The following WIPF1 variants were observed in gnomAD, a reference collection of about 807,000 sequenced individuals.
WIPF1 encodes the protein WAS/WASL-interacting protein family member 1.
In WIPF1, 13 loss-of-function variants were observed where a neutral mutation model predicts 35.4. The observed-to-expected ratio is 0.37, with a 90% CI of 0.24 to 0.58. The LOEUF (loss-of-function observed/expected upper bound fraction) is 0.58. Ranked by LOEUF, WIPF1 falls within the 20% of genes least tolerant of loss-of-function variation. WIPF1 has a pLI of 0.74. For missense variants in WIPF1, 591 were observed against 667.0 expected (o/e 0.89, Z 1.25); for synonymous variants, 267 against 266.3 (o/e 1.00, Z -0.02).
chr2:174,609,531 T>C lies in WIPF1; in HGVS notation c.-38-23920A>G, dbSNP rs374090657. Among the ~76,000 whole-genome samples, 33 of 152,310 alleles carry C rather than the reference T, an allele frequency of 2.2e-4. No homozygotes were observed. In the South Asian group the frequency reaches 6.9e-3, roughly 32 times the overall value. On this transcript the variant is annotated intron_variant, in intron 1 of 8. Coordinates refer to the WIPF1 transcript ENST00000272746. ...ACGCATACACGCAAACACCTGACCA[T>C]GTACTTTTGTTTTCTGATGAGTTGT...
At chr2:174,666,351 G>A (rs1219572426) in intron 1 of WIPF1, among the ~76,000 whole-genome samples, 1 of 152,180 alleles carries the variant, frequency 6.6e-6, no homozygotes, top group East Asian at 1.9e-4. Context: ...TCTATACAAT[G>A]TAAGGTTCCT....
intron 1 of WIPF1, among the ~76,000 whole-genome samples, chr2:174,588,265 C>T (rs1023852468): frequency 2.0e-5 from 3 of 152,200 alleles, no homozygotes; most frequent in Non-Finnish European, 2.9e-5. Flanking sequence ...AGTGCATCCA[C>T]GTGCTTGGTT....
At position 174,623,159 on chromosome 2, in the gene WIPF1, T is replaced by C. The variant is rs143812525; in HGVS notation, c.-38-37548A>G. Among the ~76,000 whole-genome samples the C allele has an allele frequency of 5.9e-5, 9 of 152,324 alleles. No homozygotes were observed. The East Asian group carries it at 1.7e-3, about 29-fold the overall frequency. On this transcript the variant is annotated intron_variant, in intron 1 of 8. Coordinates refer to the WIPF1 transcript ENST00000272746. ...AATACATATAAACAATATTAAAAGA[T>C]ATCTGAAATTGTAGTGTGTATTAGT...
intron 1 of WIPF1, among the ~76,000 whole-genome samples, chr2:174,635,982 G>C (rs1462512923): frequency 6.6e-6 from 1 of 152,098 alleles, no homozygotes; most frequent in African/African-American, 2.4e-5. Context: ...ACAGTTGATG[G>C]CTGGTTTTCT....
At chr2:174,655,423 C>A (rs1687620068) in intron 1 of WIPF1, 1 of 152,232 alleles carries the variant, frequency 6.6e-6, no homozygotes, top group Non-Finnish European at 1.5e-5. Flanking sequence ...ACATGGCTTA[C>A]TTAGCTTATA....
At chr2:174,633,100 C>T (rs114922790) in intron 1 of WIPF1, among the ~76,000 whole-genome samples, 3,446 of 152,234 alleles carry the variant, frequency 0.023, 125 homozygotes, top group African/African-American at 0.076. Flanking sequence ...AGAGCTAGCA[C>T]GGGGTTTCTG....
intron 1 of WIPF1, among the ~76,000 whole-genome samples, chr2:174,676,871 G>T (rs990470486): frequency 1.2e-4 from 19 of 152,080 alleles, no homozygotes. Context: ...ATTTTAAAAT[G>T]TCACATTGTG....
intron 1 of WIPF1, among the ~76,000 whole-genome samples, chr2:174,674,945 C>G (rs1157011140): frequency 6.8e-6 from 1 of 147,194 alleles, no homozygotes; most frequent in Non-Finnish European, 1.5e-5. Context: ...CACACACACA[C>G]ACAGATGTTC....
At chr2:174,628,754 C>T (rs1163959830) in intron 1 of WIPF1, among the ~76,000 whole-genome samples, 4 of 152,186 alleles carry the variant, frequency 2.6e-5, no homozygotes, top group Non-Finnish European at 2.9e-5. Flanking sequence ...TGTTCTGCAC[C>T]CTCTACCATC....
At chr2:174,607,715 C>A (rs1267452297) in intron 1 of WIPF1, among the ~76,000 whole-genome samples, 1 of 152,084 alleles carries the variant, frequency 6.6e-6, no homozygotes, top group Non-Finnish European at 1.5e-5. Flanking sequence ...GTTCTCTTGG[C>A]TGCTCCCCTC....
chr2:174,563,290 GC>G (rs1027710346), intron 7 of WIPF1, among the ~76,000 whole-genome samples: 74 of 152,264 alleles, frequency 4.9e-4, no homozygotes, highest in African/African-American at 1.6e-3. Context: ...GTTATTCACG[GC>G]CCAGTTGCAG....
chr2:174,606,015 G>A (rs1686152495), intron 1 of WIPF1, among the ~76,000 whole-genome samples: 1 of 152,114 alleles, frequency 6.6e-6, no homozygotes, highest in Admixed American at 6.5e-5. Flanking sequence ...TGGAGAAACT[G>A]GATAGAATGA....
intron 2 of WIPF1, 69 bp downstream of exon 2, chr2:174,585,454 T>G: frequency 2.1e-6 from 3 of 1,456,172 alleles, no homozygotes; most frequent in South Asian, 2.3e-5. Context: ...TACAAACACA[T>G]GCACGCCAGG....
chr2:174,569,247 T>C (rs559910203), intron 5 of WIPF1, among the ~76,000 whole-genome samples: 13 of 152,316 alleles, frequency 8.5e-5, no homozygotes, highest in Admixed American at 7.8e-4. Flanking sequence ...TGACAGAAAG[T>C]CTTGGCTCCA....
chr2:174,625,690 G>C (rs1305666598), intron 1 of WIPF1: 1 of 152,204 alleles, frequency 6.6e-6, no homozygotes, highest in African/African-American at 2.4e-5. Context: ...TTTGGGCTAG[G>C]AAATGCCAGT....
intron 3 of WIPF1, 187 bp from the exon 4 acceptor site, chr2:174,575,567 A>G: frequency 9.7e-7 from 1 of 1,027,638 alleles, no homozygotes; most frequent in Non-Finnish European, 1.3e-6. Context: ...AGGCAGTCCC[A>G]AGCCCAGTGG....
chr2:174,655,886 T>C (rs1687630163), intron 1 of WIPF1: 1 of 152,296 alleles, frequency 6.6e-6, no homozygotes, highest in Admixed American at 6.5e-5. Flanking sequence ...ATTAGTTGAC[T>C]GAAGAATGAC....
At chr2:174,596,553 T>A (rs1354487708) in intron 1 of WIPF1, among the ~76,000 whole-genome samples, 1 of 152,190 alleles carries the variant, frequency 6.6e-6, no homozygotes, top group Non-Finnish European at 1.5e-5. Flanking sequence ...TCAGTAGCCT[T>A]TTCATTTACC....
intron 1 of WIPF1, among the ~76,000 whole-genome samples, chr2:174,591,432 C>T (rs375886821): frequency 4.6e-5 from 7 of 152,120 alleles, no homozygotes; most frequent in South Asian, 4.1e-4. Context: ...GATTGTCATA[C>T]GTTAAAAAAT....
Sources: gnomAD v4.1 joint callset for allele counts (sites outside exome capture counted in the v4.1 genomes callset) on GRCh38, gnomAD v4.1.1 for gene constraint, MANE v1.5 for transcripts, NCBI Gene and HGNC (gene_info 2026-07-23, HGNC 2026-07-21) for gene names.